Variants in TSGA10IP observed in about 807,000 individuals in gnomAD.
The protein encoded by TSGA10IP is testis-specific protein 10-interacting protein.
A neutral mutation model predicts 63.2 loss-of-function variants in TSGA10IP; 64 were observed. The ratio of observed to expected loss-of-function variants is 1.01; its 90% CI spans 0.83 to 1.25. The LOEUF (loss-of-function observed/expected upper bound fraction) is 1.25. TSGA10IP is among the 50% of genes most tolerant of loss of function. The probability of loss-of-function intolerance (pLI) is 0.00; values close to 1 mark genes in which losing one functional copy is unlikely to be tolerated. For missense variants in TSGA10IP, 681 were observed against 710.1 expected (o/e 0.96, Z 0.47); for synonymous variants, 316 against 298.3 (o/e 1.06, Z -0.61).
At position 65,945,666 on chromosome 11, in the gene TSGA10IP, A is replaced by T; in HGVS notation, c.-10A>T. 6.2e-7 allele frequency: 1 copy of T among 1,611,846 alleles called. No individual in the cohort carries two copies. The highest frequency in any genetic ancestry group is 8.5e-7 in the Non-Finnish European group (1 of 1,178,698). On this transcript the variant is annotated 5_prime_UTR_variant, in exon 1 of 8. An upstream start codon of the reference 5' UTR is lost. Transcript: ENST00000532620. ...GGCAGTTCTACGGTGCGGATGGGGG[A>T]TGGGGCAGGATGGGGCAGGACACCG...
At chr11:65,951,172 G>T (rs1289395160) in intron 4 of TSGA10IP, among the ~76,000 whole-genome samples, 1 of 152,146 alleles carries the variant, frequency 6.6e-6, no homozygotes, top group African/African-American at 2.4e-5. Context: ...TAGGAGTACA[G>T]CTACCTCTTC....
At chr11:65,953,700 G>T in exon 5 of TSGA10IP, 1 of 1,574,378 alleles carries the variant, frequency 6.4e-7, no homozygotes. Context: ...AGGGAGCCGG[G>T]GCCCTGGGGC....
intron 4 of TSGA10IP, among the ~76,000 whole-genome samples, chr11:65,950,554 T>C (rs1854925398): frequency 6.7e-6 from 1 of 148,734 alleles, no homozygotes; most frequent in African/African-American, 2.6e-5. Context: ...CCACCATGCC[T>C]GGCTAATTTT....
exon 1 of TSGA10IP, chr11:65,945,754 C>A (rs373565829): frequency 1.1e-5 from 17 of 1,613,270 alleles, no homozygotes; most frequent in Non-Finnish European, 1.4e-5. Context: ...GCAGGACGTG[C>A]GGCTCCAGGC....
At chr11:65,946,387 C>A (rs915382214) in intron 1 of TSGA10IP, among the ~76,000 whole-genome samples, 4 of 152,074 alleles carry the variant, frequency 2.6e-5, no homozygotes, top group African/African-American at 9.7e-5. Flanking sequence ...GCAGCTGTTG[C>A]TATTTTAATA....
intron 4 of TSGA10IP, among the ~76,000 whole-genome samples, chr11:65,953,231 A>G (rs1854968890): frequency 6.6e-6 from 1 of 151,982 alleles, no homozygotes; most frequent in African/African-American, 2.4e-5. Flanking sequence ...GGGTTTCACC[A>G]TGATGACCAA....
chr11:65,949,778 A>C (rs751163218), intron 4 of TSGA10IP, among the ~76,000 whole-genome samples: 2 of 152,026 alleles, frequency 1.3e-5, no homozygotes, highest in Non-Finnish European at 2.9e-5. Context: ...TATGGTGTAC[A>C]ACATGAGGTT....
Position 65,958,955 on chromosome 11 carries a change from G to C in TSGA10IP, c.1395G>C (p.Arg465=), listed in dbSNP as rs766634350. ...GCATCCAGCACAGGGTGCAGGCCCG[G>C]CCCTTCCTGTTCCAGCAGGCTATGC... Residue 465 remains arginine (R), a synonymous_variant, in exon 6 of 8, where the codon CGG becomes CGC. Transcript: ENST00000532620. 2.6e-5 allele frequency: 42 copies of C among 1,613,122 alleles called. No individual in the cohort carries two copies. The Admixed American group carries it at 7.0e-4, about 27-fold the overall frequency.
chr11:65,951,513 C>A (rs1854940518), intron 4 of TSGA10IP, among the ~76,000 whole-genome samples: 1 of 68,300 alleles, frequency 1.5e-5, no homozygotes, highest in Admixed American at 1.7e-4. Context: ...GGGTTATTTG[C>A]TTATTTTATT....
At chr11:65,950,615 T>G (rs576437771) in intron 4 of TSGA10IP, among the ~76,000 whole-genome samples, 1 of 151,320 alleles carries the variant, frequency 6.6e-6, no homozygotes, top group East Asian at 1.9e-4. Context: ...CAGGCTGGAG[T>G]GCAGTGGCGC....
exon 3 of TSGA10IP, chr11:65,947,740 A>G: frequency 6.3e-7 from 1 of 1,591,184 alleles, no homozygotes; most frequent in Non-Finnish European, 8.6e-7. Flanking sequence ...TCCGAAGGCG[A>G]CAATGGAGGA....
intron 5 of TSGA10IP, 101 bp from the exon 6 acceptor site, chr11:65,958,782 G>T: frequency 1.1e-6 from 1 of 905,104 alleles, no homozygotes; most frequent in South Asian, 1.6e-5. Context: ...GTGAGGGTGA[G>T]GACATGAATA....
At chr11:65,947,045 C>T (rs1247798662) in intron 2 of TSGA10IP, 29 bp downstream of exon 2, 2 of 1,612,690 alleles carry the variant, frequency 1.2e-6, no homozygotes, top group Admixed American at 1.7e-5. Flanking sequence ...GGTCAGGAGG[C>T]TGTTGGGGGT....
chr11:65,955,732 C>T (rs1316591651), intron 5 of TSGA10IP, among the ~76,000 whole-genome samples: 1 of 152,188 alleles, frequency 6.6e-6, no homozygotes, highest in Non-Finnish European at 1.5e-5. Context: ...GCTCACCTTA[C>T]TATCCTACCT....
At chr11:65,946,627 G>A (rs1854839221) in intron 1 of TSGA10IP, among the ~76,000 whole-genome samples, 1 of 152,166 alleles carries the variant, frequency 6.6e-6, no homozygotes, top group South Asian at 2.1e-4. Context: ...TACAGATGGG[G>A]TTTCGCCATG....
At chr11:65,953,678 CTACGCA>C in exon 5 of TSGA10IP, 1 of 1,590,096 alleles carries the variant, frequency 6.3e-7, no homozygotes. Flanking sequence ...GCCTGGCAGC[CTACGCA>C]CCCAGAGGGA....
chr11:65,945,578 C>A, exon 1 of TSGA10IP: 1 of 1,407,352 alleles, frequency 7.1e-7, no homozygotes, highest in Non-Finnish European at 9.8e-7. Context: ...CCCTTCCTAG[C>A]ATGCTTTTTG....
chr11:65,946,981 G>A (rs200493850), exon 2 of TSGA10IP: 1 of 1,614,008 alleles, frequency 6.2e-7, no homozygotes, highest in South Asian at 1.1e-5. Context: ...CCAGGGGCCA[G>A]AGCAAGAAAG....
At position 65,948,001 on chromosome 11, in the gene TSGA10IP, G is replaced by A. The variant is rs1565305912; in HGVS notation, c.1004G>A (p.Gly335Asp). The A allele has an allele frequency of 4.5e-6, 7 of 1,558,218 alleles. No homozygotes were observed. The Admixed American group carries it at 1.2e-4, about 26-fold the overall frequency. ...CCTGACTTGGTCCCACTGTGGGCAG[G>A]CCCCCAAAAGCTGCCCTGGAAGACT... The change falls in exon 4 of 8, where the codon GGC (glycine) becomes GAC (aspartate). Residue 335 changes from glycine (G) to aspartate (D), a missense_variant and splice_region_variant. Gly to Asp is a moderately conservative substitution (Grantham distance 94). Transcript: ENST00000532620.
Sources: gnomAD v4.1 joint callset for allele counts (sites outside exome capture counted in the v4.1 genomes callset) on GRCh38, gnomAD v4.1.1 for gene constraint, MANE v1.5 for transcripts, NCBI Gene and HGNC (gene_info 2026-07-23, HGNC 2026-07-21) for gene names.